Variants in ADCK1 observed in about 807,000 individuals in gnomAD.
ADCK1 encodes the protein aarF domain containing kinase 1.
ADCK1 carries 41 observed loss-of-function variants against 52.3 expected under a neutral mutation model. The observed-to-expected ratio is 0.78, with a 90% CI of 0.61 to 1.02. The LOEUF (loss-of-function observed/expected upper bound fraction) is 1.02. ADCK1 is among the 50% of genes least tolerant of loss of function. ADCK1 has a pLI of 0.00. For synonymous variants in ADCK1, 250 were observed against 274.6 expected, an observed-to-expected ratio of 0.91 and a Z score of 0.89; for missense variants, 658 against 679.5, an observed-to-expected ratio of 0.97 and a Z score of 0.35.
At chr14:77,808,248 G>A (rs1232127570) in intron 1 of ADCK1, among the ~76,000 whole-genome samples, 1 of 152,092 alleles carries the variant, frequency 6.6e-6, no homozygotes, top group Non-Finnish European at 1.5e-5. Flanking sequence ...AGTTCTAATT[G>A]GTGGGTTTAC....
intron 6 of ADCK1, among the ~76,000 whole-genome samples, chr14:77,900,356 G>C (rs766937873): frequency 9.2e-5 from 14 of 151,986 alleles, no homozygotes; most frequent in Non-Finnish European, 1.8e-4. Context: ...GGAGGCGGAG[G>C]TGGGCAGATC....
chr14:77,912,438 G>A (rs1285538031), intron 7 of ADCK1, among the ~76,000 whole-genome samples: 5 of 79,480 alleles, frequency 6.3e-5, no homozygotes, highest in African/African-American at 3.6e-4. Flanking sequence ...AGGAGCGTGT[G>A]TGTGTGTGTG....
intron 9 of ADCK1, among the ~76,000 whole-genome samples, chr14:77,931,184 G>A (rs879596039): frequency 5.3e-5 from 8 of 152,206 alleles, no homozygotes; most frequent in Non-Finnish European, 1.0e-4. Flanking sequence ...GCTGGTACTG[G>A]CTTCTGGGGG....
At chr14:77,828,895 A>G (rs750462222) in intron 3 of ADCK1, among the ~76,000 whole-genome samples, 1 of 151,394 alleles carries the variant, frequency 6.6e-6, no homozygotes, top group Non-Finnish European at 1.5e-5. Flanking sequence ...TGTCCCATAT[A>G]TAATCCAGAC....
chr14:77,919,833 A>G (rs778362507), intron 7 of ADCK1, among the ~76,000 whole-genome samples: 36 of 152,102 alleles, frequency 2.4e-4, no homozygotes, highest in Non-Finnish European at 4.4e-4. Context: ...CCTGATCATT[A>G]GTGACGTTGA....
At chr14:77,887,308 GC>G in intron 5 of ADCK1, 59 bp downstream of exon 5, 3 of 1,479,990 alleles carry the variant, frequency 2.0e-6, no homozygotes, top group Non-Finnish European at 1.8e-6. Context: ...TGGGATCCAG[GC>G]CACCTAGGTG....
rs1461471204 is a variant in ADCK1 at position 77,934,959 on chromosome 14, A to G, written c.*1568A>G. On this transcript the variant is annotated 3_prime_UTR_variant, in exon 11 of 11. Coordinates refer to ENST00000238561, the MANE Select transcript of ADCK1 (RefSeq NM_020421.4). ...CTTGAGGATGTGTGCTGCATAGTAT[A>G]TTTTATGGTGTCTTTTATAGCCACT... 1 of 152,212 alleles carries G rather than the reference A, an allele frequency of 6.6e-6. No homozygotes were observed. The highest frequency in any genetic ancestry group is 1.5e-5 in the Non-Finnish European group (1 of 68,044). 9.4% of individuals were successfully genotyped at this position (152,212 alleles called of 1,614,324 possible). A position where few individuals can be genotyped will look rare whatever the true frequency, so the allele number is the denominator to read the frequency against.
In ADCK1 at chr14:77,822,527, C is replaced by A. The variant is rs1277473443; in HGVS notation, c.219+9C>A. On this transcript the variant is annotated intron_variant, in intron 3 of 10. Coordinates refer to ENST00000238561, the MANE Select transcript of ADCK1 (RefSeq NM_020421.4). Reference sequence around the variant, plus strand: ...TGCAGCTGAGATCTAAGGTAAGTAACCCATGGGACCCATCTGAGCCAGGCC... The same window carrying A: ...TGCAGCTGAGATCTAAGGTAAGTAAACCATGGGACCCATCTGAGCCAGGCC... 6.2e-7 allele frequency: 1 copy of A among 1,605,712 alleles called. No homozygotes were observed. The highest frequency in any genetic ancestry group is 1.1e-5 in the South Asian group (1 of 90,914).
rs373444522 is a variant in ADCK1, at chr14:77,804,855, CTG to C, written c.-12+4689_-12+4690del. ...CCACACCTATTACTTTATACATCCT[CTG>C]TGTTTGCCTTGTGCCACAATGCAGA... On this transcript the variant is annotated intron_variant, in intron 1 of 10. Transcript: ENST00000238561. Among the ~76,000 whole-genome samples, 327 of 152,268 alleles carry C rather than the reference CTG, an allele frequency of 2.1e-3. 1 individual carries two copies. Among genetic ancestry groups the C allele is most frequent in the African/African-American group, 7.4e-3 (306 of 41,550 alleles).
At chr14:77,863,220 A>G (rs994638045) in intron 4 of ADCK1, among the ~76,000 whole-genome samples, 1 of 152,156 alleles carries the variant, frequency 6.6e-6, no homozygotes, top group African/African-American at 2.4e-5. Flanking sequence ...AGAAGGACGA[A>G]GAGACTGAGA....
intron 3 of ADCK1, among the ~76,000 whole-genome samples, chr14:77,824,312 T>C (rs1204602763): frequency 6.6e-6 from 1 of 152,204 alleles, no homozygotes; most frequent in Non-Finnish European, 1.5e-5. Context: ...TTTAAAAAAA[T>C]ATAACCAGAA....
chr14:77,800,592 A>AT (rs1192622393), intron 1 of ADCK1, among the ~76,000 whole-genome samples: 3 of 152,230 alleles, frequency 2.0e-5, no homozygotes, highest in Admixed American at 6.5e-5. Context: ...TGGTCTGGGC[A>AT]AGAGCAGGGG....
At chr14:77,806,745 C>A (rs992220030) in intron 1 of ADCK1, among the ~76,000 whole-genome samples, 1 of 152,050 alleles carries the variant, frequency 6.6e-6, no homozygotes, top group East Asian at 1.9e-4. Flanking sequence ...GACAGAGTAT[C>A]GCTTTGTCAC....
intron 3 of ADCK1, among the ~76,000 whole-genome samples, chr14:77,834,869 A>T (rs1003501468): frequency 6.6e-6 from 1 of 152,164 alleles, no homozygotes. Context: ...ACTTCTAACA[A>T]GGCCCTCTAT....
At chr14:77,853,583 C>T (rs2082357496) in intron 3 of ADCK1, among the ~76,000 whole-genome samples, 1 of 152,078 alleles carries the variant, frequency 6.6e-6, no homozygotes. Flanking sequence ...GGATATATGC[C>T]ATTACTGACG....
chr14:77,912,457 TG>T (rs1287124650), intron 7 of ADCK1, among the ~76,000 whole-genome samples: 12 of 146,168 alleles, frequency 8.2e-5, no homozygotes, highest in African/African-American at 3.3e-4. Context: ...TGTGTGTGTG[TG>T]TGTGTGTGTG....
intron 1 of ADCK1, among the ~76,000 whole-genome samples, chr14:77,807,701 G>A (rs1173024807): frequency 6.6e-6 from 1 of 151,900 alleles, no homozygotes; most frequent in African/African-American, 2.4e-5. Flanking sequence ...TAGAGATGGG[G>A]TTTCTCCATG....
intron 4 of ADCK1, among the ~76,000 whole-genome samples, chr14:77,863,217 C>G (rs771922807): frequency 2.3e-4 from 35 of 151,912 alleles, no homozygotes; most frequent in Non-Finnish European, 4.4e-4. Flanking sequence ...AAAAGAAGGA[C>G]GAAGAGACTG....
chr14:77,893,753 TG>T, intron 5 of ADCK1, among the ~76,000 whole-genome samples: 1 of 144,142 alleles, frequency 6.9e-6, no homozygotes, highest in East Asian at 1.9e-4. Context: ...TTTTTTTTTT[TG>T]ACAGAGTCTC....
Sources: gnomAD v4.1 joint callset for allele counts (sites outside exome capture counted in the v4.1 genomes callset) on GRCh38, gnomAD v4.1.1 for gene constraint, MANE v1.5 for transcripts, NCBI Gene and HGNC (gene_info 2026-07-23, HGNC 2026-07-21) for gene names.